Variants in CSMD3 observed in about 807,000 individuals in gnomAD.
The protein encoded by CSMD3 is CUB and sushi domain-containing protein 3.
In CSMD3, 177 loss-of-function variants were observed where a neutral mutation model predicts 435.2. That is an observed-to-expected ratio of 0.41 (90% CI 0.36 to 0.46). The LOEUF is 0.46. CSMD3 is among the 20% of genes least tolerant of loss of function. The probability of loss-of-function intolerance (pLI) is 0.34; values close to 1 mark genes in which losing one functional copy is unlikely to be tolerated. For missense variants in CSMD3, 4,265 were observed against 4,504.6 expected (o/e 0.95, Z 1.52); for synonymous variants, 1,656 against 1,520.5 (o/e 1.09, Z -2.07).
rs780843706 is a variant in CSMD3, at chr8:112,223,305, G to A, written c.*1466C>T. The A allele has an allele frequency of 1.4e-5, 5 of 357,126 alleles. No homozygotes were observed. Among genetic ancestry groups the A allele is most frequent in the Non-Finnish European group, 2.5e-5 (5 of 198,886 alleles). 22.1% of individuals were successfully genotyped at this position (357,126 alleles called of 1,614,324 possible). On this transcript the variant is annotated 3_prime_UTR_variant, in exon 71 of 71. Transcript: ENST00000297405. ...TGTTGTAGAGATAGAGCCAAGCAGC[G>A]CTCCCAGGTGCAAGGGTTTCTCTTA...
At chr8:112,381,070 A>C (rs1054698405) in intron 37 of CSMD3, among the ~76,000 whole-genome samples, 2 of 152,178 alleles carry the variant, frequency 1.3e-5, no homozygotes, top group Non-Finnish European at 2.9e-5. Flanking sequence ...AATAAGCTTA[A>C]TTTTGAACTT....
At chr8:112,431,181 T>C (rs943186721) in intron 32 of CSMD3, among the ~76,000 whole-genome samples, 4 of 152,140 alleles carry the variant, frequency 2.6e-5, no homozygotes, top group Non-Finnish European at 4.4e-5. Context: ...GATATTGACA[T>C]TGATGTCTCC....
intron 10 of CSMD3, among the ~76,000 whole-genome samples, chr8:112,898,539 G>A (rs945127366): frequency 2.1e-4 from 32 of 151,030 alleles, no homozygotes; most frequent in African/African-American, 6.5e-4. Context: ...TTGAATGATA[G>A]AGTTTAAAAG....
intron 16 of CSMD3, 90 bp downstream of exon 16, chr8:112,682,352 G>T: frequency 1.1e-6 from 1 of 914,946 alleles, no homozygotes; most frequent in Non-Finnish European, 1.8e-6. Flanking sequence ...TAATGATTAT[G>T]ACAGTCCTGG....
At chr8:112,255,175 T>C (rs1815660154) in intron 62 of CSMD3, 79 bp downstream of exon 62, 3 of 1,204,942 alleles carry the variant, frequency 2.5e-6, no homozygotes, top group South Asian at 2.5e-5. Flanking sequence ...CTATAGGTTA[T>C]AGGATAAAGA....
chr8:112,295,865 T>C lies in CSMD3; in HGVS notation c.8582A>G (p.His2861Arg). 1.2e-6 allele frequency: 2 copies of C among 1,614,040 alleles called. No individual in the cohort carries two copies. The highest frequency in any genetic ancestry group is 8.5e-7 in the Non-Finnish European group (1 of 1,179,986). The part of the protein sequence containing the change: ...GSSVRICQQD[H>R]NWSGQLPSCV... ...GGATGGGAGCTGACCAGACCAATTG[T>C]GATCCTGTTGACATATCCTCACTGA... Residue 2861 changes from histidine (H) to arginine (R), a missense_variant, in exon 54 of 71, where the codon CAC (histidine) becomes CGC (arginine). Physicochemically the swap from His to Arg is conservative, Grantham distance 29 (BLOSUM62 0). Around this residue, in one of 3 missense-constraint regions of CSMD3, gnomAD observed 3,255 missense variants for 3,380.2 expected, o/e 0.96. Coordinates refer to ENST00000297405, the MANE Select transcript of CSMD3 (RefSeq NM_198123.2).
At chr8:112,844,069 A>G (rs2080252430) in intron 11 of CSMD3, among the ~76,000 whole-genome samples, 1 of 151,874 alleles carries the variant, frequency 6.6e-6, no homozygotes, top group Non-Finnish European at 1.5e-5. Context: ...TTCTGCACCT[A>G]TACAATCTAT....
chr8:112,898,057 A>G (rs1233111232), intron 10 of CSMD3, among the ~76,000 whole-genome samples: 1 of 151,194 alleles, frequency 6.6e-6, no homozygotes, highest in African/African-American at 2.4e-5. Flanking sequence ...AAATACTTCC[A>G]TAAGTATAAA....
chr8:112,642,322 G>C (rs1362322573), intron 20 of CSMD3, among the ~76,000 whole-genome samples: 1 of 151,916 alleles, frequency 6.6e-6, no homozygotes, highest in Non-Finnish European at 1.5e-5. Flanking sequence ...TTTATAATTA[G>C]CATCCTGACT....
At chr8:112,547,385 C>T (rs1208818043) in intron 27 of CSMD3, among the ~76,000 whole-genome samples, 1 of 145,558 alleles carries the variant, frequency 6.9e-6, no homozygotes, top group African/African-American at 2.5e-5. Flanking sequence ...CTCATCTGTA[C>T]AAAAAAAAAA....
intron 27 of CSMD3, among the ~76,000 whole-genome samples, chr8:112,537,320 A>G (rs1369108713): frequency 6.6e-6 from 1 of 151,848 alleles, no homozygotes; most frequent in Non-Finnish European, 1.5e-5. Flanking sequence ...TAACAATCTG[A>G]TGCTCCTCAA....
rs77183432 is a variant in CSMD3 at position 113,216,169 on chromosome 8, A to G, written c.515-42253T>C. ...GATTTCAAAAATCTAAAAAAAATCC[A>G]TAAGAAATAATTACATTAATTATTG... On this transcript the variant is annotated intron_variant, in intron 3 of 70. Coordinates refer to ENST00000297405, the MANE Select transcript of CSMD3 (RefSeq NM_198123.2). Among the ~76,000 whole-genome samples, 891 of 152,042 alleles carry G rather than the reference A, an allele frequency of 5.9e-3. 9 individuals are homozygous for G. The highest frequency in any genetic ancestry group is 0.021 in the African/African-American group (864 of 41,548).
At chr8:113,429,084 T>C (rs1003485668) in intron 1 of CSMD3, among the ~76,000 whole-genome samples, 4 of 151,738 alleles carry the variant, frequency 2.6e-5, no homozygotes, top group African/African-American at 9.7e-5. Flanking sequence ...CCTCAAAGAG[T>C]AGAATTTCTT....
intron 7 of CSMD3, among the ~76,000 whole-genome samples, chr8:112,956,042 T>C (rs2084005035): frequency 6.6e-6 from 1 of 151,992 alleles, no homozygotes; most frequent in South Asian, 2.1e-4. Flanking sequence ...ATATGAACTA[T>C]CTATACACAC....
chr8:112,839,265 G>T (rs2080113017), intron 11 of CSMD3, among the ~76,000 whole-genome samples: 1 of 151,672 alleles, frequency 6.6e-6, no homozygotes, highest in African/African-American at 2.4e-5. Flanking sequence ...ATTTTTCTAT[G>T]CCTTTAATAT....
intron 32 of CSMD3, among the ~76,000 whole-genome samples, chr8:112,459,308 C>T (rs566472253): frequency 1.6e-4 from 24 of 147,954 alleles, no homozygotes; most frequent in African/African-American, 5.3e-4. Context: ...ACCCTTCATG[C>T]TCACTAGCCA....
At chr8:112,954,786 A>G in intron 7 of CSMD3, 25 bp from the exon 8 acceptor site, 1 of 1,250,582 alleles carries the variant, frequency 8.0e-7, no homozygotes, top group East Asian at 2.3e-5. Context: ...AAACAAAAAC[A>G]TGTATCAGGA....
At chr8:113,394,159 T>TACACACACAC (rs3080772) in intron 1 of CSMD3, among the ~76,000 whole-genome samples, 131 of 137,234 alleles carry the variant, frequency 9.5e-4, no homozygotes, top group Non-Finnish European at 1.1e-3. Context: ...TTTGTTGAAT[T>TACACACACAC]ACACACACAC....
chr8:113,137,321 T>G (rs1339153026), intron 4 of CSMD3, among the ~76,000 whole-genome samples: 1 of 151,744 alleles, frequency 6.6e-6, no homozygotes, highest in Non-Finnish European at 1.5e-5. Context: ...TTAGGATTAC[T>G]TAATATCCTG....
Sources: gnomAD v4.1 joint callset for allele counts (sites outside exome capture counted in the v4.1 genomes callset) on GRCh38, gnomAD v4.1.1 for gene constraint, gnomAD v4.1.1 regional missense constraint, MANE v1.5 for transcripts, NCBI Gene and HGNC (gene_info 2026-07-23, HGNC 2026-07-21) for gene names.